CCDC68: variants seen among roughly 807,000 people sequenced by gnomAD.
The protein encoded by CCDC68 is coiled-coil domain containing 68, also known as coiled-coil domain-containing protein 68.
In CCDC68, 45 loss-of-function variants were observed where a neutral mutation model predicts 47.1. The observed-to-expected ratio is 0.96, with a 90% CI of 0.75 to 1.23. CCDC68 has a LOEUF of 1.23. Among genes scored for constraint, CCDC68 ranks in the 50% most tolerant of loss-of-function variants. CCDC68 has a pLI of 0.00. For synonymous variants in CCDC68, 131 were observed against 129.5 expected (o/e 1.01, Z -0.08); for missense variants, 353 against 373.6 (o/e 0.94, Z 0.45).
intron 7 of CCDC68, among the ~76,000 whole-genome samples, chr18:54,930,909 G>C (rs1242769320): frequency 1.3e-5 from 2 of 151,174 alleles, no homozygotes; most frequent in Non-Finnish European, 2.9e-5. Context: ...GTAGAGACGG[G>C]GTTTCTCCAT....
In CCDC68 at chr18:54,904,233, T is replaced by G; in HGVS notation, c.*125A>C. The stretch of plus-strand genomic sequence containing the variant: ...GAAATGTCATCTTCTTGCAAAGCCA[T>G]TGGTATGTAATAAGTTCCATTTAAA... On this transcript the variant is annotated 3_prime_UTR_variant, in exon 12 of 12. Transcript: ENST00000591504. 2 of 692,956 alleles carry G rather than the reference T, an allele frequency of 2.9e-6. No individual in the cohort carries two copies. Among genetic ancestry groups the G allele is most frequent in the Non-Finnish European group, 5.1e-6 (2 of 393,756 alleles). 42.9% of individuals were successfully genotyped at this position (692,956 alleles called of 1,614,324 possible).
At chr18:54,943,994 A>G (rs1327758832) in intron 2 of CCDC68, among the ~76,000 whole-genome samples, 1 of 152,092 alleles carries the variant, frequency 6.6e-6, no homozygotes, top group Non-Finnish European at 1.5e-5. Context: ...CGTCTCTACT[A>G]AAAATATAAA....
intron 6 of CCDC68, among the ~76,000 whole-genome samples, chr18:54,936,593 C>A (rs1033292826): frequency 1.3e-5 from 2 of 152,120 alleles, no homozygotes; most frequent in Admixed American, 1.3e-4. Flanking sequence ...TCCCTCCCAC[C>A]TGTGCTCATG....
chr18:54,950,803 T>TATATATA (rs35471289), intron 1 of CCDC68, among the ~76,000 whole-genome samples: 8 of 87,164 alleles, frequency 9.2e-5, no homozygotes, highest in African/African-American at 1.8e-4. Flanking sequence ...TATATATATA[T>TATATATA]GATGCAATAA....
At chr18:54,943,248 A>G (rs919680989) in intron 2 of CCDC68, among the ~76,000 whole-genome samples, 3 of 152,170 alleles carry the variant, frequency 2.0e-5, no homozygotes, top group African/African-American at 4.8e-5. Context: ...TAGGAGAACT[A>G]ATAGTAAAAG....
intron 8 of CCDC68, 51 bp downstream of exon 8, chr18:54,928,749 G>C: frequency 8.6e-7 from 1 of 1,165,316 alleles, no homozygotes; most frequent in East Asian, 2.3e-5. Flanking sequence ...CATACCAGTG[G>C]ACAGGAAAGA....
intron 8 of CCDC68, among the ~76,000 whole-genome samples, chr18:54,926,145 G>C (rs2044141454): frequency 6.6e-6 from 1 of 152,066 alleles, no homozygotes. Flanking sequence ...AAATACAGAG[G>C]GGCCAACACT....
At chr18:54,953,636 C>T (rs142767277) in intron 1 of CCDC68, among the ~76,000 whole-genome samples, 180 of 98,646 alleles carry the variant, frequency 1.8e-3, no homozygotes, top group East Asian at 7.9e-3. Context: ...TTCTAGCTCA[C>T]GCTACATGAC....
intron 10 of CCDC68, among the ~76,000 whole-genome samples, chr18:54,909,461 G>T (rs1361052074): frequency 6.6e-6 from 1 of 151,534 alleles, no homozygotes; most frequent in Non-Finnish European, 1.5e-5. Context: ...AGTGTTACAA[G>T]GTGTCATTTT....
chr18:54,951,900 C>T (rs1346480704), intron 1 of CCDC68, among the ~76,000 whole-genome samples: 1 of 152,230 alleles, frequency 6.6e-6, no homozygotes, highest in Admixed American at 6.5e-5. Context: ...TTTAAACTCC[C>T]TAAGCCTCAG....
At chr18:54,923,990 C>A (rs929584955) in intron 8 of CCDC68, among the ~76,000 whole-genome samples, 1 of 152,090 alleles carries the variant, frequency 6.6e-6, no homozygotes. Flanking sequence ...TCAACCACTG[C>A]ACCTAGCCCA....
intron 8 of CCDC68, among the ~76,000 whole-genome samples, chr18:54,924,087 T>A (rs2044106791): frequency 6.6e-6 from 1 of 152,186 alleles, no homozygotes; most frequent in South Asian, 2.1e-4. Flanking sequence ...AATGTCTGTA[T>A]CTGGGATTCA....
At chr18:54,950,605 C>T (rs2044596521) in intron 1 of CCDC68, among the ~76,000 whole-genome samples, 2 of 151,942 alleles carry the variant, frequency 1.3e-5, no homozygotes, top group South Asian at 4.1e-4. Flanking sequence ...TATATTATAG[C>T]CAGTGCTATA....
intron 10 of CCDC68, among the ~76,000 whole-genome samples, chr18:54,915,812 C>T (rs1017808282): frequency 3.3e-5 from 5 of 151,910 alleles, no homozygotes; most frequent in Non-Finnish European, 5.9e-5. Context: ...GCCTGTAATC[C>T]CAGGTACTCG....
chr18:54,925,334 C>A (rs2044127267), intron 8 of CCDC68, among the ~76,000 whole-genome samples: 1 of 151,942 alleles, frequency 6.6e-6, no homozygotes. Flanking sequence ...TTATAAATAA[C>A]CTTAGATTTT....
At chr18:54,926,028 GC>G (rs2044139735) in intron 8 of CCDC68, among the ~76,000 whole-genome samples, 1 of 152,154 alleles carries the variant, frequency 6.6e-6, no homozygotes, top group Non-Finnish European at 1.5e-5. Context: ...CCAAACTACT[GC>G]AGATAAATGT....
At position 54,925,899 on chromosome 18, in the gene CCDC68, A is replaced by G. The variant is rs549151405; in HGVS notation, c.683+2901T>C. ...AAAGAATCAGCTTGGATGTAGGTGT[A>G]GCCCTGTTTGCATTTCAACAAAATT... is the stretch of plus-strand genomic sequence containing the variant. On this transcript the variant is annotated intron_variant, in intron 8 of 11. Coordinates refer to ENST00000591504, the MANE Select transcript of CCDC68 (RefSeq NM_025214.3). 3.3e-5 allele frequency among the ~76,000 whole-genome samples: 5 copies of G among 152,318 alleles called. No homozygotes were observed. The South Asian group carries it at 1.0e-3, about 32-fold the overall frequency.
intron 11 of CCDC68, among the ~76,000 whole-genome samples, chr18:54,905,606 T>C (rs1913956587): frequency 6.6e-6 from 1 of 152,204 alleles, no homozygotes; most frequent in Non-Finnish European, 1.5e-5. Context: ...AATTCCATTG[T>C]ATATTTGTGA....
intron 10 of CCDC68, among the ~76,000 whole-genome samples, chr18:54,911,855 G>A (rs1397799622): frequency 1.3e-5 from 2 of 152,166 alleles, no homozygotes; most frequent in African/African-American, 4.8e-5. Flanking sequence ...GAGTTATTAT[G>A]TTAGACTCTC....
Sources: gnomAD v4.1 joint callset for allele counts (sites outside exome capture counted in the v4.1 genomes callset) on GRCh38, gnomAD v4.1.1 for gene constraint, MANE v1.5 for transcripts, NCBI Gene and HGNC (gene_info 2026-07-23, HGNC 2026-07-21) for gene names.